The following SAXO1 variants were observed in gnomAD, a reference collection of about 807,000 sequenced individuals.
The protein encoded by SAXO1 is stabilizer of axonemal microtubules 1.
SAXO1 carries 21 observed loss-of-function variants against 17.5 expected under a neutral mutation model. The ratio of observed to expected loss-of-function variants is 1.20; its 90% CI spans 0.85 to 1.72. The LOEUF is 1.72. Ranked by LOEUF, SAXO1 falls within the 40% of genes most tolerant of loss-of-function variation. The pLI, the probability that SAXO1 is intolerant of heterozygous loss-of-function variation, is 0.00. For synonymous variants in SAXO1, 274 were observed against 216.5 expected, an observed-to-expected ratio of 1.27 and a Z score of -2.33; for missense variants, 843 against 596.0, an observed-to-expected ratio of 1.41 and a Z score of -4.32.
intron 1 of SAXO1, among the ~76,000 whole-genome samples, chr9:18,951,755 G>C (rs929067912): frequency 6.6e-6 from 1 of 152,142 alleles, no homozygotes; most frequent in Non-Finnish European, 1.5e-5. Context: ...GTCAAGCTCA[G>C]GGCCTTTATC....
chr9:18,962,278 G>C (rs1158186698), intron 1 of SAXO1, among the ~76,000 whole-genome samples: 2 of 152,166 alleles, frequency 1.3e-5, no homozygotes, highest in East Asian at 1.9e-4. Context: ...ATGTTGATCA[G>C]GCTAGTCTTG....
intron 1 of SAXO1, among the ~76,000 whole-genome samples, chr9:19,007,169 A>T (rs1289050405): frequency 6.6e-6 from 1 of 152,110 alleles, no homozygotes; most frequent in Non-Finnish European, 1.5e-5. Flanking sequence ...CAACATGGTG[A>T]AACCCCATCT....
At chr9:18,968,916 A>G (rs1409417744) in intron 1 of SAXO1, among the ~76,000 whole-genome samples, 1 of 152,106 alleles carries the variant, frequency 6.6e-6, no homozygotes, top group Non-Finnish European at 1.5e-5. Context: ...ACTTTTAGAG[A>G]AGCATAATAA....
At chr9:19,016,637 C>T (rs1374864949) in intron 1 of SAXO1, among the ~76,000 whole-genome samples, 1 of 152,028 alleles carries the variant, frequency 6.6e-6, no homozygotes, top group Non-Finnish European at 1.5e-5. Flanking sequence ...AAACACCCTA[C>T]AATGCACAGG....
upstream of SAXO1, among the ~76,000 whole-genome samples, chr9:19,035,025 T>G (rs996079592): frequency 2.0e-5 from 3 of 152,180 alleles, no homozygotes; most frequent in Non-Finnish European, 4.4e-5. Context: ...GAAGATGGTG[T>G]GGACAAAATA....
intron 1 of SAXO1, among the ~76,000 whole-genome samples, chr9:18,966,220 G>A (rs1366800617): frequency 6.6e-6 from 1 of 151,970 alleles, no homozygotes; most frequent in Non-Finnish European, 1.5e-5. Context: ...ATGTGTCTTG[G>A]GGTTGCTCTT....
chr9:19,032,877 G>T lies in SAXO1; in HGVS notation c.32C>A (p.Ser11Tyr), dbSNP rs570808481. 1.2e-6 allele frequency: 2 copies of T among 1,610,662 alleles called. No individual in the cohort carries two copies. Among genetic ancestry groups the T allele is most frequent in the African/African-American group, 2.7e-5 (2 of 75,014 alleles). The change falls in exon 1 of 4, where the codon TCC becomes TAC. Residue 11 changes from serine to tyrosine, a missense_variant. Transcript: ENST00000380534. ...CTGGGCGTGGCCACCTTACCCGCAGGAGCACAGTTCACAGATGCACTTCGT... is the reference window on the plus strand; with the variant it reads ...CTGGGCGTGGCCACCTTACCCGCAGTAGCACAGTTCACAGATGCACTTCGT... MKTKCICELC[S>Y]CGRHHCPHLP...
At chr9:18,975,868 A>G (rs1388762841) in intron 1 of SAXO1, among the ~76,000 whole-genome samples, 1 of 142,100 alleles carries the variant, frequency 7.0e-6, no homozygotes, top group Non-Finnish European at 1.6e-5. Context: ...AGAAAGAACT[A>G]CAGCTGAAGT....
At chr9:18,941,070 T>C (rs74326706) in intron 3 of SAXO1, among the ~76,000 whole-genome samples, 10,069 of 152,248 alleles carry the variant, frequency 0.066, 388 homozygotes, top group African/African-American at 0.11. Context: ...ATAATTTGTA[T>C]ACTTTTCCAT....
intron 1 of SAXO1, among the ~76,000 whole-genome samples, chr9:18,968,289 C>T (rs10811072): frequency 0.54 from 81,828 of 152,050 alleles, 25,425 homozygotes; most frequent in Non-Finnish European, 0.7. Flanking sequence ...AAGCAATCCA[C>T]CTGCCTTGGC....
At chr9:18,992,762 G>A (rs1246255739) in intron 1 of SAXO1, among the ~76,000 whole-genome samples, 1 of 137,374 alleles carries the variant, frequency 7.3e-6, no homozygotes, top group Non-Finnish European at 1.6e-5. Context: ...ATATTCTAAT[G>A]ACTTAAGAGC....
intron 1 of SAXO1, among the ~76,000 whole-genome samples, chr9:18,964,271 T>A (rs909138337): frequency 6.6e-6 from 1 of 152,240 alleles, no homozygotes; most frequent in Non-Finnish European, 1.5e-5. Context: ...GGTATCGGGA[T>A]GATGCTGGCC....
chr9:18,980,697 A>G (rs1388879967), intron 1 of SAXO1, among the ~76,000 whole-genome samples: 2 of 143,482 alleles, frequency 1.4e-5, no homozygotes, highest in Non-Finnish European at 3.0e-5. Context: ...AAGTCACAAA[A>G]TTTTTAAATC....
At chr9:18,979,901 G>A (rs1833301628) in intron 1 of SAXO1, among the ~76,000 whole-genome samples, 1 of 151,734 alleles carries the variant, frequency 6.6e-6, no homozygotes. Flanking sequence ...GCTATGAGAT[G>A]ATGAAGACCT....
intron 1 of SAXO1, among the ~76,000 whole-genome samples, chr9:19,004,769 C>T (rs1014194988): frequency 2.6e-5 from 4 of 151,992 alleles, no homozygotes; most frequent in Non-Finnish European, 4.4e-5. Flanking sequence ...CTAATGTAAA[C>T]GATGAGTTGA....
intron 1 of SAXO1, among the ~76,000 whole-genome samples, chr9:19,021,655 G>T (rs898279172): frequency 3.3e-5 from 5 of 152,220 alleles, no homozygotes; most frequent in Non-Finnish European, 5.9e-5. Context: ...ATCCAGGACT[G>T]CAATCCCAAC....
intron 1 of SAXO1, among the ~76,000 whole-genome samples, chr9:19,000,184 G>A (rs1345139967): frequency 4.0e-5 from 6 of 151,494 alleles, no homozygotes; most frequent in Non-Finnish European, 8.8e-5. Context: ...CCCTGTCTGG[G>A]AAGTGAGGAG....
At chr9:19,035,217 CAT>C (rs1354587767), upstream of SAXO1, among the ~76,000 whole-genome samples, 1 of 152,192 alleles carries the variant, frequency 6.6e-6, no homozygotes, top group Non-Finnish European at 1.5e-5. Context: ...ATAATTCCCA[CAT>C]GTTGTGGGAG....
chr9:18,936,000 C>T (rs569102927), intron 3 of SAXO1, among the ~76,000 whole-genome samples: 1 of 152,132 alleles, frequency 6.6e-6, no homozygotes, highest in Non-Finnish European at 1.5e-5. Flanking sequence ...CAAGGTGCCA[C>T]AGTTTCTTTA....
Sources: allele counts gnomAD v4.1 joint callset (sites outside exome capture counted in the v4.1 genomes callset), GRCh38; gene constraint gnomAD v4.1.1; transcripts MANE v1.5; gene names NCBI Gene and HGNC (gene_info 2026-07-23, HGNC 2026-07-21).